The following TMEM117 variants were observed in gnomAD, a reference collection of about 807,000 sequenced individuals.
TMEM117 encodes the protein transmembrane protein 117.
In TMEM117, 27 loss-of-function variants were observed where a neutral mutation model predicts 52.4. The ratio of observed to expected loss-of-function variants is 0.51; its 90% confidence interval spans 0.38 to 0.71. The LOEUF (loss-of-function observed/expected upper bound fraction) is 0.71. Ranked by LOEUF, TMEM117 falls within the 30% of genes least tolerant of loss-of-function variation. The pLI is 0.00. For synonymous variants in TMEM117, 215 were observed against 206.3 expected (o/e 1.04, Z -0.36); for missense variants, 556 against 630.5 (o/e 0.88, Z 1.26).
chr12:44,116,412 C>A (rs761090036), intron 3 of TMEM117, among the ~76,000 whole-genome samples: 1 of 152,148 alleles, frequency 6.6e-6, no homozygotes, highest in African/African-American at 2.4e-5. Flanking sequence ...GCAAACTGCA[C>A]TTCTAGCCTG....
At position 44,188,311 on chromosome 12, in the gene TMEM117, A is replaced by AT. The variant is rs1306052721; in HGVS notation, c.511-22974dup. Among the ~76,000 whole-genome samples, 5 of 151,956 alleles carry AT rather than the reference A, an allele frequency of 3.3e-5. No homozygotes were observed. The East Asian group carries it at 9.7e-4, about 29-fold the overall frequency. ...TATCTTTTGCAGCTAATCCTGATCC[A>AT]TTTTTCCTTATTGTTTTTCTGGTAC... is the stretch of plus-strand genomic sequence containing the variant. On this transcript the variant is annotated intron_variant, in intron 4 of 7. Coordinates refer to ENST00000266534, the MANE Select transcript of TMEM117 (RefSeq NM_032256.3).
rs12308221 is a variant in TMEM117 at position 43,848,267 on chromosome 12, C to T, written c.277+3339C>T. Reference sequence around the variant, plus strand: ...AAAACAGCATTTGAGAGTAGAGAACCGGTCTGACCACAAATTTACCAGGGT... The same window carrying T: ...AAAACAGCATTTGAGAGTAGAGAACTGGTCTGACCACAAATTTACCAGGGT... On this transcript the variant is annotated intron_variant, in intron 2 of 7. Coordinates refer to ENST00000266534, the MANE Select transcript of TMEM117 (RefSeq NM_032256.3). Among the ~76,000 whole-genome samples the T allele has an allele frequency of 7.2e-5, 11 of 152,156 alleles. No individual in the cohort carries two copies. The East Asian group carries it at 1.5e-3, about 21-fold the overall frequency.
intron 3 of TMEM117, among the ~76,000 whole-genome samples, chr12:43,983,107 T>G (rs1945787911): frequency 6.6e-6 from 1 of 152,188 alleles, no homozygotes; most frequent in Non-Finnish European, 1.5e-5. Context: ...TGGATATTCT[T>G]TTGCCCATCT....
At chr12:43,970,397 T>C (rs887264859) in intron 3 of TMEM117, among the ~76,000 whole-genome samples, 4 of 152,090 alleles carry the variant, frequency 2.6e-5, no homozygotes, top group Admixed American at 2.6e-4. Context: ...CATGCCATTC[T>C]CCTGCCTCAG....
At chr12:44,278,844 C>T (rs1376839216) in intron 5 of TMEM117, among the ~76,000 whole-genome samples, 18 of 152,186 alleles carry the variant, frequency 1.2e-4, no homozygotes, top group Admixed American at 1.2e-3. Flanking sequence ...CCTCACAACA[C>T]AATGGTGTTA....
At chr12:44,011,148 G>A (rs1004506100) in intron 3 of TMEM117, among the ~76,000 whole-genome samples, 2 of 152,012 alleles carry the variant, frequency 1.3e-5, no homozygotes, top group Middle Eastern at 6.8e-3. Flanking sequence ...AATTTCAGAG[G>A]GTACAGAATT....
intron 2 of TMEM117, among the ~76,000 whole-genome samples, chr12:43,859,754 A>T (rs183928099): frequency 6.6e-6 from 1 of 152,306 alleles, no homozygotes; most frequent in East Asian, 1.9e-4. Context: ...TAGTGCAAAT[A>T]CAGTTTTCTT....
intron 3 of TMEM117, among the ~76,000 whole-genome samples, chr12:44,006,946 G>A (rs1946207625): frequency 6.6e-6 from 1 of 152,062 alleles, no homozygotes; most frequent in Non-Finnish European, 1.5e-5. Context: ...AGTTTTACAT[G>A]GTAACCTTCC....
intron 4 of TMEM117, among the ~76,000 whole-genome samples, chr12:44,208,088 G>A (rs1329161210): frequency 2.0e-5 from 3 of 151,972 alleles, no homozygotes; most frequent in Admixed American, 6.6e-5. Context: ...TTGTTGCCTG[G>A]CATCATATAG....
intron 6 of TMEM117, among the ~76,000 whole-genome samples, chr12:44,328,884 T>C (rs1274681472): frequency 2.0e-5 from 3 of 152,002 alleles, no homozygotes; most frequent in Non-Finnish European, 4.4e-5. Context: ...TGAGGTGCTT[T>C]AAAGGTTTAG....
intron 3 of TMEM117, among the ~76,000 whole-genome samples, chr12:44,050,029 C>G (rs958897288): frequency 6.6e-6 from 1 of 152,142 alleles, no homozygotes; most frequent in South Asian, 2.1e-4. Context: ...TAAGGCAAAA[C>G]AATCAATAAT....
At chr12:44,302,353 C>G (rs1394468568) in intron 6 of TMEM117, among the ~76,000 whole-genome samples, 1 of 152,186 alleles carries the variant, frequency 6.6e-6, no homozygotes, top group Non-Finnish European at 1.5e-5. Flanking sequence ...CTTCTATGCT[C>G]TAGTTCCACC....
In TMEM117 at chr12:44,037,725, G is replaced by T. The variant is rs373335082; in HGVS notation, c.410+93383G>T. Among the ~76,000 whole-genome samples, 3 of 152,240 alleles carry T rather than the reference G, an allele frequency of 2.0e-5. No individual in the cohort carries two copies. The South Asian group carries it at 6.2e-4, about 32-fold the overall frequency. On this transcript the variant is annotated intron_variant, in intron 3 of 7. Coordinates refer to ENST00000266534, the MANE Select transcript of TMEM117 (RefSeq NM_032256.3). Reference sequence around the variant, plus strand: ...TGAACTCAGCCAGACTCAAGTAGATGACTGAGATGACTGGATGACCTGCCT... The same window carrying T: ...TGAACTCAGCCAGACTCAAGTAGATTACTGAGATGACTGGATGACCTGCCT...
chr12:44,104,652 G>T (rs1395885383), intron 3 of TMEM117, among the ~76,000 whole-genome samples: 1 of 151,814 alleles, frequency 6.6e-6, no homozygotes, highest in East Asian at 1.9e-4. Context: ...AACATTTCTT[G>T]CAAGGCAGGT....
intron 2 of TMEM117, among the ~76,000 whole-genome samples, chr12:43,930,282 T>A (rs923057362): frequency 1.3e-5 from 2 of 152,280 alleles, no homozygotes; most frequent in South Asian, 4.1e-4. Context: ...CTCACCTACA[T>A]AGTTTAGTAG....
chr12:43,969,438 C>T (rs1300209797), intron 3 of TMEM117, among the ~76,000 whole-genome samples: 1 of 150,692 alleles, frequency 6.6e-6, no homozygotes, highest in Non-Finnish European at 1.5e-5. Context: ...CAGAGAATTG[C>T]TTGAACCTGG....
At chr12:43,913,144 G>A (rs1609548) in intron 2 of TMEM117, among the ~76,000 whole-genome samples, 103,183 of 152,084 alleles carry the variant, frequency 0.68, 40,224 homozygotes, top group East Asian at 0.87. Flanking sequence ...ATTTAAACAC[G>A]CTACATTTAT....
chr12:44,215,984 C>T (rs1949711440), intron 5 of TMEM117, among the ~76,000 whole-genome samples: 1 of 143,880 alleles, frequency 7.0e-6, no homozygotes, highest in South Asian at 2.2e-4. Context: ...GAAAGGAGCT[C>T]CTTTCTTTCT....
intron 5 of TMEM117, among the ~76,000 whole-genome samples, chr12:44,228,194 T>C (rs1949887656): frequency 6.6e-6 from 1 of 152,026 alleles, no homozygotes; most frequent in South Asian, 2.1e-4. Flanking sequence ...TTGTTCTGGC[T>C]GCTGAGGGAA....
Sources: gnomAD v4.1 joint callset for allele counts (sites outside exome capture counted in the v4.1 genomes callset) on GRCh38, gnomAD v4.1.1 for gene constraint, MANE v1.5 for transcripts, NCBI Gene and HGNC (gene_info 2026-07-23, HGNC 2026-07-21) for gene names.